The following AAGAB variants were observed in gnomAD, a reference collection of about 807,000 sequenced individuals.
AAGAB encodes the protein alpha and gamma adaptin binding protein.
A neutral mutation model predicts 44.1 loss-of-function variants in AAGAB; 38 were observed. That is an observed-to-expected ratio of 0.86 (90% CI 0.67 to 1.13). AAGAB has a LOEUF of 1.13. Ranked by LOEUF, AAGAB falls within the 50% of genes most tolerant of loss-of-function variation. AAGAB has a pLI of 0.00. For synonymous variants in AAGAB, 131 were observed against 131.8 expected, an observed-to-expected ratio of 0.99 and a Z score of 0.04; for missense variants, 450 against 373.8, an observed-to-expected ratio of 1.20 and a Z score of -1.68.
Position 67,254,613 on chromosome 15 carries a change from A to G in AAGAB, c.19T>C (p.Cys7Arg), listed in dbSNP as rs547264525. The part of the protein sequence containing the change: MAAGVP[C>R]ALVTSCSSVF... ...GAGGAGCAGCTGGTGACTAACGCAC[A>G]GGGTACGCCAGCAGCCATAGCTGCG... The change falls in exon 1 of 10, where the codon TGT becomes CGT. Residue 7 changes from cysteine to arginine, a missense_variant. Cys to Arg is a radical substitution (Grantham distance 180). Coordinates refer to ENST00000261880, the MANE Select transcript of AAGAB (RefSeq NM_024666.5). The G allele has an allele frequency of 1.9e-6, 3 of 1,605,730 alleles. No homozygotes were observed. Among genetic ancestry groups the G allele is most frequent in the East Asian group, 4.5e-5 (2 of 44,590 alleles).
chr15:67,222,242 GCACACACACACACACACA>G (rs370826027), intron 5 of AAGAB, among the ~76,000 whole-genome samples: 6 of 90,044 alleles, frequency 6.7e-5, no homozygotes, highest in Admixed American at 1.4e-4. Flanking sequence ...GCGCGCGCGC[GCACACACACACACACACA>G]CACACACACA....
rs556911983 is a variant in AAGAB, at chr15:67,236,095, A to G, written c.362-27T>C. The stretch of plus-strand genomic sequence containing the variant: ...TAAAATAATATGCAAAAGAATCTTC[A>G]TAAGTAAAAAGAAAATAAAACATGA... On this transcript the variant is annotated intron_variant, in intron 3 of 9. Coordinates refer to ENST00000261880, the MANE Select transcript of AAGAB (RefSeq NM_024666.5). 245 of 1,511,268 alleles carry G rather than the reference A, an allele frequency of 1.6e-4. 3 individuals carry two copies. In the South Asian group the frequency reaches 2.6e-3, roughly 16 times the overall value. 93.6% of individuals were successfully genotyped at this position (1,511,268 alleles called of 1,614,324 possible).
chr15:67,251,301 T>C (rs565225141), intron 1 of AAGAB, among the ~76,000 whole-genome samples: 2 of 152,082 alleles, frequency 1.3e-5, no homozygotes, highest in South Asian at 2.1e-4. Context: ...TGGAGGGCAG[T>C]AGCACCATCA....
intron 1 of AAGAB, among the ~76,000 whole-genome samples, chr15:67,246,198 C>T (rs189638984): frequency 3.9e-5 from 6 of 151,994 alleles, no homozygotes; most frequent in South Asian, 2.1e-4. Flanking sequence ...CTGAGCAACA[C>T]GGCAAAACCC....
chr15:67,211,593 A>G (rs980340446), intron 5 of AAGAB, among the ~76,000 whole-genome samples: 1 of 152,240 alleles, frequency 6.6e-6, no homozygotes, highest in Non-Finnish European at 1.5e-5. Flanking sequence ...ATTAAGATAC[A>G]TGAGTGCTCT....
At chr15:67,222,956 C>G (rs1964117614) in intron 5 of AAGAB, among the ~76,000 whole-genome samples, 1 of 152,150 alleles carries the variant, frequency 6.6e-6, no homozygotes, top group Non-Finnish European at 1.5e-5. Flanking sequence ...ATCCAAGGGT[C>G]AACTCTCTGT....
chr15:67,223,645 C>T (rs776606708), intron 5 of AAGAB, among the ~76,000 whole-genome samples: 28 of 152,180 alleles, frequency 1.8e-4, no homozygotes, highest in Non-Finnish European at 3.2e-4. Flanking sequence ...TCACCCTCAT[C>T]ATCTACTCTC....
intron 1 of AAGAB, among the ~76,000 whole-genome samples, chr15:67,242,310 C>T (rs1339591240): frequency 7.6e-6 from 1 of 132,308 alleles, no homozygotes; most frequent in African/African-American, 2.6e-5. Flanking sequence ...GTAGTCCCAG[C>T]TACTCGGGAG....
At chr15:67,248,294 C>G (rs1033433112) in intron 1 of AAGAB, among the ~76,000 whole-genome samples, 36 of 152,220 alleles carry the variant, frequency 2.4e-4, no homozygotes, top group Non-Finnish European at 4.6e-4. Context: ...CTGCCCTCAT[C>G]TGACCATCTA....
chr15:67,232,181 G>A lies in AAGAB; in HGVS notation c.452-284C>T, dbSNP rs534437770. Among the ~76,000 whole-genome samples, 7 of 151,470 alleles carry A rather than the reference G, an allele frequency of 4.6e-5. No homozygotes were observed. In the East Asian group the frequency reaches 1.4e-3, roughly 29 times the overall value. On this transcript the variant is annotated intron_variant, in intron 4 of 9. Coordinates refer to ENST00000261880, the MANE Select transcript of AAGAB (RefSeq NM_024666.5). ...AGGCAGGAGAACTGCTTGAACCCAG[G>A]AGGTAGAGGTTGTGGTGAGCCGAGA...
At chr15:67,255,015 C>T (rs1043195261), upstream of AAGAB, 83 of 1,460,250 alleles carry the variant, frequency 5.7e-5, 3 homozygotes, top group South Asian at 9.1e-4. Context: ...GTCCCGCGCG[C>T]CGATTCACCG....
intron 5 of AAGAB, among the ~76,000 whole-genome samples, chr15:67,215,929 A>G (rs2140353962): frequency 6.6e-6 from 1 of 152,332 alleles, no homozygotes; most frequent in African/African-American, 2.4e-5. Context: ...AAACAGGCCT[A>G]AGCACCGTAC....
rs777838692 is a variant in AAGAB, at chr15:67,204,067, A to G, written c.797T>C (p.Phe266Ser). Reference sequence around the variant, plus strand: ...ACCTTTCATTTCCTTTAACTTTGAAAAGAGTCTTTCAAAATTCTCCACATC... The same window carrying G: ...ACCTTTCATTTCCTTTAACTTTGAAGAGAGTCTTTCAAAATTCTCCACATC... ...GGDVENFERL[F>S]SKLKEMKDKA... The change falls in exon 8 of 10, where the codon TTT (phenylalanine) becomes TCT (serine). Residue 266 changes from phenylalanine to serine, a missense_variant. Transcript: ENST00000261880. 5.0e-6 allele frequency: 8 copies of G among 1,608,816 alleles called. No individual in the cohort carries two copies. The highest frequency in any genetic ancestry group is 6.8e-6 in the Non-Finnish European group (8 of 1,175,324).
rs540147380 is a variant in AAGAB, at chr15:67,202,487, T to C, written c.*334A>G. ...AATGCTGGAAATGCTACTTAAAAGG[T>C]TGACCAGGAATGGCCTGGAGGTTGT... On this transcript the variant is annotated 3_prime_UTR_variant, in exon 10 of 10. Transcript: ENST00000261880. 3 of 240,790 alleles carry C rather than the reference T, an allele frequency of 1.2e-5. No individual in the cohort carries two copies. The highest frequency in any genetic ancestry group is 2.4e-5 in the Non-Finnish European group (3 of 123,676). 14.9% of individuals were successfully genotyped at this position (240,790 alleles called of 1,614,324 possible).
intron 7 of AAGAB, among the ~76,000 whole-genome samples, chr15:67,207,673 T>C (rs1259703322): frequency 6.6e-6 from 1 of 152,184 alleles, no homozygotes; most frequent in Non-Finnish European, 1.5e-5. Flanking sequence ...CCTTACGGTA[T>C]CTAGTCCAAT....
In AAGAB at chr15:67,254,545, G is replaced by C; in HGVS notation, c.73+14C>G. 3 of 1,600,676 alleles carry C rather than the reference G, an allele frequency of 1.9e-6. No individual in the cohort carries two copies. Among genetic ancestry groups the C allele is most frequent in the Non-Finnish European group, 2.6e-6 (3 of 1,174,510 alleles). ...AGGGGCCTTGGAGGTCGGCCCAGGC[G>C]CCTATCTACTCACGTTGGACCAGCT... On this transcript the variant is annotated intron_variant, in intron 1 of 9. Coordinates refer to ENST00000261880, the MANE Select transcript of AAGAB (RefSeq NM_024666.5).
chr15:67,247,927 C>G (rs1443254916), intron 1 of AAGAB, among the ~76,000 whole-genome samples: 1 of 152,188 alleles, frequency 6.6e-6, no homozygotes, highest in Admixed American at 6.5e-5. Flanking sequence ...CACTCTGAAT[C>G]CACACAGTCT....
intron 4 of AAGAB, chr15:67,232,465 T>A: frequency 3.8e-6 from 1 of 263,096 alleles, no homozygotes; most frequent in South Asian, 4.6e-5. Flanking sequence ...ATGGTAACTA[T>A]CCAAACTGGA....
chr15:67,209,636 T>A, intron 5 of AAGAB, 92 bp from the exon 6 acceptor site: 1 of 1,032,332 alleles, frequency 9.7e-7, no homozygotes, highest in South Asian at 1.3e-5. Flanking sequence ...TACTTATTTG[T>A]TACCAAAGTT....
Sources: gnomAD v4.1 joint callset for allele counts (sites outside exome capture counted in the v4.1 genomes callset) on GRCh38, gnomAD v4.1.1 for gene constraint, MANE v1.5 for transcripts, NCBI Gene and HGNC (gene_info 2026-07-23, HGNC 2026-07-21) for gene names.